PTOV1: variants seen among roughly 807,000 people sequenced by gnomAD.
PTOV1 encodes prostate tumor-overexpressed gene 1 protein.
In PTOV1, 20 loss-of-function variants were observed where a neutral mutation model predicts 58.0. That is an observed-to-expected ratio of 0.34 (90% CI 0.24 to 0.50). The LOEUF (loss-of-function observed/expected upper bound fraction) is 0.50, where lower values mean the gene tolerates loss of function less well. Ranked by LOEUF, PTOV1 falls within the 20% of genes least tolerant of loss-of-function variation. PTOV1 has a pLI of 0.98. For synonymous variants in PTOV1, 335 were observed against 234.2 expected (o/e 1.43, Z -3.93); for missense variants, 593 against 565.4 (o/e 1.05, Z -0.50).
intron 1 of PTOV1, chr19:49,851,839 C>T (rs1167557919): frequency 1.4e-5 from 14 of 994,490 alleles, no homozygotes; most frequent in Middle Eastern, 5.0e-4. Flanking sequence ...GTTGCTCGCT[C>T]TCCGGGCAGG....
chr19:49,851,141 G>C (rs2074224517), upstream of PTOV1: 1 of 1,316,900 alleles, frequency 7.6e-7, no homozygotes, highest in Non-Finnish European at 9.6e-7. Flanking sequence ...GTACGCGCCG[G>C]GCTCCCCCGC....
chr19:49,859,310 G>C (rs1401683186), intron 10 of PTOV1: 1 of 153,060 alleles, frequency 6.5e-6, no homozygotes, highest in East Asian at 1.9e-4. Context: ...TCCCTCAGGG[G>C]CCGGGTGCGG....
chr19:49,854,780 C>T (rs778080118), intron 3 of PTOV1, 46 bp downstream of exon 3: 25 of 1,613,006 alleles, frequency 1.5e-5, no homozygotes, highest in East Asian at 1.3e-4. Context: ...GGGGCAGTGG[C>T]TGTGGCCGTG....
At chr19:49,852,309 T>C (rs1013420838) in intron 1 of PTOV1, 1 of 154,770 alleles carries the variant, frequency 6.5e-6, no homozygotes, top group Non-Finnish European at 1.4e-5. Context: ...CTTCCTGGGG[T>C]CATAAACATG....
intron 5 of PTOV1, 68 bp downstream of exon 5, chr19:49,855,145 A>C: frequency 1.4e-6 from 2 of 1,440,874 alleles, no homozygotes; most frequent in Non-Finnish European, 1.9e-6. Context: ...CTCTGCTCAC[A>C]CAGTCCAGGC....
chr19:49,852,187 C>T (rs941116688), intron 1 of PTOV1: 3 of 637,780 alleles, frequency 4.7e-6, no homozygotes, highest in African/African-American at 2.0e-5. Context: ...CACACGCTTG[C>T]CCCGATGTGA....
chr19:49,860,273 G>A, exon 12 of PTOV1: 6 of 1,613,680 alleles, frequency 3.7e-6, no homozygotes, highest in Non-Finnish European at 5.1e-6. Context: ...CGTAGATGGG[G>A]GGGTAGTGGT....
intron 1 of PTOV1, chr19:49,851,916 C>T (rs992918510): frequency 1.7e-5 from 17 of 971,612 alleles, no homozygotes; most frequent in African/African-American, 1.5e-4. Context: ...TGTACCAGCG[C>T]CCCCAGATGT....
At chr19:49,851,134 C>T (rs2074224125), upstream of PTOV1, 26 of 1,326,020 alleles carry the variant, frequency 2.0e-5, no homozygotes, top group East Asian at 3.2e-5. Context: ...GCGCTTGGTA[C>T]GCGCCGGGCT....
At position 49,860,415 on chromosome 19, in the gene PTOV1, C is replaced by T. The variant is rs1262556681; in HGVS notation, c.*136C>T. 7.5e-6 allele frequency: 10 copies of T among 1,341,460 alleles called. No individual in the cohort carries two copies. In the South Asian group the frequency reaches 9.9e-5, roughly 13 times the overall value. The allele number at this position is 1,341,460 out of a possible 1,614,324, so 83.1% of individuals were successfully genotyped here. On this transcript the variant is annotated 3_prime_UTR_variant, in exon 12 of 12. Transcript: ENST00000391842. ...TGGGGTTGGGAAAGAAGCAGGGCGA[C>T]CTTGGCCTTGGGGAGAGCAGAGCAG...
At chr19:49,860,045 G>C (rs1568653413) in exon 11 of PTOV1, 1 of 1,614,220 alleles carries the variant, frequency 6.2e-7, no homozygotes, top group Non-Finnish European at 8.5e-7. Flanking sequence ...TTATGCTCCT[G>C]TACTCTTCAG....
exon 7 of PTOV1, chr19:49,857,709 G>C (rs780424516): frequency 6.2e-7 from 1 of 1,614,072 alleles, no homozygotes; most frequent in East Asian, 2.2e-5. Context: ...GGACCTGGTG[G>C]TGTCAACTCA....
intron 10 of PTOV1, 65 bp from the exon 11 acceptor site, chr19:49,859,921 C>T (rs1381793835): frequency 2.6e-6 from 4 of 1,554,930 alleles, no homozygotes; most frequent in African/African-American, 2.7e-5. Context: ...CGGCATGATG[C>T]CGTGGTTGGA....
intron 5 of PTOV1, chr19:49,855,309 G>C: frequency 1.8e-6 from 1 of 559,790 alleles, no homozygotes; most frequent in Non-Finnish European, 3.2e-6. Context: ...GCCCAGCTTC[G>C]AGGTGGCCCT....
rs776330367 is a variant in PTOV1, at chr19:49,856,954, C to T, written c.559-21C>T. On this transcript the variant is annotated intron_variant, in intron 5 of 11. Transcript: ENST00000391842. ...TGGCCCCGGGCAGTGACCACAGGGT[C>T]CTGACCCGCGGCCCCCGCAGGCGGG... is the stretch of plus-strand genomic sequence containing the variant. The T allele has an allele frequency of 4.3e-6, 7 of 1,611,352 alleles. 1 individual carries two copies. The highest frequency in any genetic ancestry group is 4.0e-5 in the African/African-American group (3 of 74,870).
chr19:49,851,706 G>C (rs1005085215), intron 1 of PTOV1: 13 of 1,147,178 alleles, frequency 1.1e-5, no homozygotes, highest in Middle Eastern at 3.6e-4. Flanking sequence ...GGGCCGGGGT[G>C]GGGGGTTGGG....
upstream of PTOV1, chr19:49,851,044 C>T (rs1313318557): frequency 2.0e-6 from 3 of 1,512,772 alleles, no homozygotes; most frequent in African/African-American, 1.4e-5. Flanking sequence ...CCCGCAGGAC[C>T]GCCGAGCCCA....
At chr19:49,859,879 G>A in intron 10 of PTOV1, 107 bp from the exon 11 acceptor site, 1 of 1,221,494 alleles carries the variant, frequency 8.2e-7, no homozygotes, top group South Asian at 1.3e-5. Context: ...TGAGGACAGA[G>A]CAGTTAGGCT....
Position 49,854,645 on chromosome 19 carries a change from C to T in PTOV1, c.310-7C>T. 6.2e-7 allele frequency: 1 copy of T among 1,613,454 alleles called. No homozygotes were observed. The highest frequency in any genetic ancestry group is 8.5e-7 in the Non-Finnish European group (1 of 1,179,964). Reference sequence around the variant, plus strand: ...TGTGCACAGTGACGCCCCTCCTGCCCCCACAGAAGCGCAGACCCTACTCTG... The same window carrying T: ...TGTGCACAGTGACGCCCCTCCTGCCTCCACAGAAGCGCAGACCCTACTCTG... On this transcript the variant is annotated splice_polypyrimidine_tract_variant and splice_region_variant and intron_variant, in intron 2 of 11. Transcript: ENST00000391842.
Sources: allele counts gnomAD v4.1 joint callset, GRCh38; gene constraint gnomAD v4.1.1; transcripts MANE v1.5; gene names NCBI Gene and HGNC (gene_info 2026-07-23, HGNC 2026-07-21).